Variants in SLC4A5 observed in about 807,000 individuals in gnomAD.
SLC4A5 encodes electrogenic sodium bicarbonate cotransporter 4.
A neutral mutation model predicts 120.4 loss-of-function variants in SLC4A5; 96 were observed. The ratio of observed to expected loss-of-function variants is 0.80; its 90% CI spans 0.68 to 0.94. SLC4A5 has a LOEUF of 0.94. SLC4A5 is among the 40% of genes least tolerant of loss of function. SLC4A5 has a pLI of 0.00. For synonymous variants in SLC4A5, 550 were observed against 571.1 expected, an observed-to-expected ratio of 0.96 and a Z score of 0.53; for missense variants, 1,259 against 1,459.5, an observed-to-expected ratio of 0.86 and a Z score of 2.24.
chr2:74,307,856 G>A, intron 6 of SLC4A5: 1 of 481,058 alleles, frequency 2.1e-6, no homozygotes. Flanking sequence ...GGAAGCTGGT[G>A]GAGCAGGACA....
intron 28 of SLC4A5, 77 bp downstream of exon 28, chr2:74,224,763 C>T: frequency 6.5e-7 from 1 of 1,549,454 alleles, no homozygotes; most frequent in Non-Finnish European, 8.7e-7. Context: ...AGAAGCCGCC[C>T]TCTCCCTGTC....
chr2:74,286,743 A>T (rs999283374), intron 7 of SLC4A5, among the ~76,000 whole-genome samples: 1 of 152,216 alleles, frequency 6.6e-6, no homozygotes, highest in Non-Finnish European at 1.5e-5. Context: ...TACAGTAGAT[A>T]GCATGGTCAC....
intron 8 of SLC4A5, among the ~76,000 whole-genome samples, chr2:74,266,333 A>AT (rs1337031942): frequency 1.2e-4 from 19 of 152,090 alleles, no homozygotes; most frequent in African/African-American, 4.6e-4. Flanking sequence ...CAGTGGCATG[A>AT]TTTTGGCTCA....
exon 30 of SLC4A5, chr2:74,221,500 T>A: frequency 1.2e-6 from 2 of 1,614,178 alleles, no homozygotes; most frequent in Admixed American, 1.7e-5. Flanking sequence ...AAGATCTTTT[T>A]CCTGGCAGGA....
At chr2:74,314,834 G>A in intron 6 of SLC4A5, 111 bp downstream of exon 6, 1 of 989,600 alleles carries the variant, frequency 1.0e-6, no homozygotes, top group Non-Finnish European at 1.6e-6. Flanking sequence ...GGATGAGTCA[G>A]GAAAAGGGAC....
chr2:74,235,299 G>A lies in SLC4A5; in HGVS notation c.2320-85C>T, dbSNP rs187037691. On this transcript the variant is annotated intron_variant, in intron 21 of 30. Transcript: ENST00000394019. ...AGCCCCAGTCCTCCGGCAGCAAAGA[G>A]GTGAACTATTACAGTCTGGGCTCTG... The A allele has an allele frequency of 6.3e-6, 6 of 953,532 alleles. No homozygotes were observed. In the East Asian group the frequency reaches 1.0e-4, roughly 16 times the overall value. 59.1% of individuals were successfully genotyped at this position (953,532 alleles called of 1,614,324 possible).
intron 16 of SLC4A5, among the ~76,000 whole-genome samples, chr2:74,251,624 T>C (rs1573027305): frequency 6.6e-6 from 1 of 152,242 alleles, no homozygotes; most frequent in East Asian, 1.9e-4. Flanking sequence ...TGGTGGGCCC[T>C]ATTCCAACAT....
intron 29 of SLC4A5, among the ~76,000 whole-genome samples, 173 bp from the exon 30 acceptor site, chr2:74,221,674 A>C (rs1359211855): frequency 1.3e-5 from 2 of 152,140 alleles, no homozygotes; most frequent in African/African-American, 2.4e-5. Flanking sequence ...TCCTTCACCC[A>C]GAAGGTGCTC....
intron 5 of SLC4A5, among the ~76,000 whole-genome samples, chr2:74,321,488 TTGAGTA>T (rs1393955600): frequency 7.2e-5 from 11 of 152,116 alleles, no homozygotes; most frequent in South Asian, 4.1e-4. Context: ...ACAAATAACT[TTGAGTA>T]TATGTTCAGC....
chr2:74,233,919 G>T (rs888922419), intron 22 of SLC4A5, among the ~76,000 whole-genome samples: 1 of 152,172 alleles, frequency 6.6e-6, no homozygotes, highest in Non-Finnish European at 1.5e-5. Context: ...ATAAAGAAAT[G>T]GGTGGGCCCA....
intron 6 of SLC4A5, chr2:74,308,076 C>G: frequency 2.1e-6 from 1 of 474,742 alleles, no homozygotes; most frequent in Non-Finnish European, 4.2e-6. Context: ...CTTTCTATCT[C>G]TGAACAATAT....
At chr2:74,252,714 G>A (rs557154620) in intron 15 of SLC4A5, among the ~76,000 whole-genome samples, 114 of 152,030 alleles carry the variant, frequency 7.5e-4, no homozygotes, top group Non-Finnish European at 1.4e-3. Context: ...AGCCTCCAGA[G>A]TAGCAGGGAC....
chr2:74,298,627 GA>G (rs1672395645), intron 7 of SLC4A5, among the ~76,000 whole-genome samples: 1 of 152,100 alleles, frequency 6.6e-6, no homozygotes, highest in African/African-American at 2.4e-5. Context: ...TCAACAAAAT[GA>G]AAAGGCAACC....
At chr2:74,235,319 G>T in intron 21 of SLC4A5, 105 bp from the exon 22 acceptor site, 1 of 766,668 alleles carries the variant, frequency 1.3e-6, no homozygotes, top group Non-Finnish European at 2.2e-6. Context: ...TACAGTCTGG[G>T]CTCTGAAGGC....
intron 9 of SLC4A5, among the ~76,000 whole-genome samples, chr2:74,264,566 A>C (rs1671243283): frequency 6.6e-6 from 1 of 151,764 alleles, no homozygotes; most frequent in Admixed American, 6.6e-5. Context: ...AATAAACAGT[A>C]CATATGAAAC....
chr2:74,307,051 T>C (rs954859683), intron 6 of SLC4A5: 15 of 571,634 alleles, frequency 2.6e-5, no homozygotes, highest in Non-Finnish European at 4.6e-5. Context: ...TCCCTCAGGC[T>C]GTTTCCCAAG....
chr2:74,231,254 G>T (rs1438821595), exon 25 of SLC4A5: 1 of 1,611,620 alleles, frequency 6.2e-7, no homozygotes, highest in South Asian at 1.1e-5. Flanking sequence ...TGGGAGCCAG[G>T]AAGACAGAGA....
In SLC4A5 at chr2:74,235,229, T is replaced by C. The variant is rs746357954; in HGVS notation, c.2320-15A>G. ...AGGGCCCGGACCTGCAGACAGGAGA[T>C]GAGCAAGTAAAAGAAGTGAGTAAAG... On this transcript the variant is annotated splice_polypyrimidine_tract_variant and intron_variant, in intron 21 of 30. Coordinates refer to ENST00000394019, the Ensembl canonical transcript of SLC4A5. 5.6e-6 allele frequency: 9 copies of C among 1,606,682 alleles called. No individual in the cohort carries two copies. Among genetic ancestry groups the C allele is most frequent in the Admixed American group, 1.7e-5 (1 of 59,688 alleles).
At chr2:74,334,206 T>G (rs775155710) in intron 3 of SLC4A5, 29 bp from the exon 4 acceptor site, 1 of 152,248 alleles carries the variant, frequency 6.6e-6, no homozygotes, top group African/African-American at 2.4e-5. Flanking sequence ...AGGTGAGAGA[T>G]ATGTTAAAGA....
Sources: allele counts gnomAD v4.1 joint callset (sites outside exome capture counted in the v4.1 genomes callset), GRCh38; gene constraint gnomAD v4.1.1; transcripts MANE v1.5; gene names NCBI Gene and HGNC (gene_info 2026-07-23, HGNC 2026-07-21).